Variants in TMEM50B observed in about 807,000 individuals in gnomAD.
TMEM50B encodes the protein HCV p7-trans-regulated protein 3.
TMEM50B carries 14 observed loss-of-function variants against 23.4 expected under a neutral mutation model. That is an observed-to-expected ratio of 0.60 (90% CI 0.39 to 0.93). The LOEUF (loss-of-function observed/expected upper bound fraction) is 0.93, where lower values mean the gene tolerates loss of function less well. TMEM50B is among the 40% of genes least tolerant of loss of function. The probability of loss-of-function intolerance (pLI) is 0.00; values close to 1 mark genes in which losing one functional copy is unlikely to be tolerated. For missense variants in TMEM50B, 159 were observed against 193.0 expected (o/e 0.82, Z 1.04); for synonymous variants, 64 against 62.3 (o/e 1.03, Z -0.13).
chr21:33,448,529 G>T (rs1398751605), downstream of TMEM50B, among the ~76,000 whole-genome samples: 1 of 151,690 alleles, frequency 6.6e-6, no homozygotes, highest in African/African-American at 2.4e-5. Context: ...TGCCCAGACT[G>T]GAGTGCAGTG....
chr21:33,462,471 T>TA (rs1341190164), intron 4 of TMEM50B, among the ~76,000 whole-genome samples: 1 of 152,146 alleles, frequency 6.6e-6, no homozygotes, highest in Non-Finnish European at 1.5e-5. Context: ...ACTTTTAAGC[T>TA]AAAAAACTTT....
chr21:33,459,921 T>C (rs2084202826), intron 5 of TMEM50B, among the ~76,000 whole-genome samples: 1 of 152,162 alleles, frequency 6.6e-6, no homozygotes, highest in South Asian at 2.1e-4. Flanking sequence ...TCTATTTTCA[T>C]TCCTACAATA....
intron 4 of TMEM50B, among the ~76,000 whole-genome samples, chr21:33,463,255 G>C (rs1454672287): frequency 6.6e-6 from 1 of 152,204 alleles, no homozygotes; most frequent in African/African-American, 2.4e-5. Context: ...TCGCACCACT[G>C]TACTCCAGTC....
In TMEM50B at chr21:33,468,893, T is replaced by A; in HGVS notation, c.-8A>T. 6.2e-7 allele frequency: 1 copy of A among 1,608,500 alleles called. No individual in the cohort carries two copies. Among genetic ancestry groups the A allele is most frequent in the East Asian group, 2.2e-5 (1 of 44,850 alleles). On this transcript the variant is annotated 5_prime_UTR_variant, in exon 2 of 7. It introduces an in-frame stop codon into an upstream open reading frame of the 5' UTR. Coordinates refer to ENST00000542230, the MANE Select transcript of TMEM50B (RefSeq NM_006134.7). Reference sequence around the variant, plus strand: ...ATCTAGGAAGCCTGCCATTTTTACTTCTTAAGCATAAATTTTTCATTAAAT... The same window carrying A: ...ATCTAGGAAGCCTGCCATTTTTACTACTTAAGCATAAATTTTTCATTAAAT...
chr21:33,446,233 AT>A (rs371517472), downstream of TMEM50B, among the ~76,000 whole-genome samples: 4 of 142,026 alleles, frequency 2.8e-5, no homozygotes, highest in African/African-American at 1.0e-4. Flanking sequence ...TATTTTTTTT[AT>A]TTTTTATTTT....
intron 4 of TMEM50B, among the ~76,000 whole-genome samples, chr21:33,463,517 T>C (rs963220253): frequency 3.3e-5 from 5 of 152,092 alleles, no homozygotes; most frequent in African/African-American, 1.2e-4. Flanking sequence ...AGGGAACTTT[T>C]TGGGGCAATG....
chr21:33,432,960 A>C, intron 8 of TMEM50B: 2 of 1,092,820 alleles, frequency 1.8e-6, no homozygotes, highest in Admixed American at 4.0e-5. Flanking sequence ...ATCTCTGCTC[A>C]CTGCAGCCTC....
chr21:33,475,434 G>A (rs1243163797), intron 1 of TMEM50B, among the ~76,000 whole-genome samples: 3 of 151,922 alleles, frequency 2.0e-5, no homozygotes, highest in South Asian at 2.1e-4. Flanking sequence ...TGTAACTCCC[G>A]CCTCCTGGAT....
At chr21:33,476,487 C>T (rs754187879) in intron 1 of TMEM50B, among the ~76,000 whole-genome samples, 8 of 152,168 alleles carry the variant, frequency 5.3e-5, no homozygotes, top group Non-Finnish European at 8.8e-5. Context: ...TAACATCAGG[C>T]GTGGTGGCTC....
At chr21:33,453,515 C>G (rs1382057345) in intron 6 of TMEM50B, among the ~76,000 whole-genome samples, 1 of 151,968 alleles carries the variant, frequency 6.6e-6, no homozygotes, top group African/African-American at 2.4e-5. Flanking sequence ...TAATTGAAAT[C>G]CCAGAGGGAG....
intron 1 of TMEM50B, among the ~76,000 whole-genome samples, chr21:33,475,556 C>A (rs1243869410): frequency 1.3e-5 from 2 of 152,110 alleles, no homozygotes; most frequent in Non-Finnish European, 1.5e-5. Flanking sequence ...CCATCTTGGC[C>A]AGGCTGGTCT....
intron 4 of TMEM50B, among the ~76,000 whole-genome samples, chr21:33,464,457 C>G (rs2084245995): frequency 6.7e-6 from 1 of 149,914 alleles, no homozygotes; most frequent in Admixed American, 6.6e-5. Flanking sequence ...GTCTCAGCCT[C>G]CCAAAGTGCT....
At chr21:33,452,555 A>T (rs1319280251) in intron 6 of TMEM50B, among the ~76,000 whole-genome samples, 2 of 152,206 alleles carry the variant, frequency 1.3e-5, no homozygotes, top group Non-Finnish European at 1.5e-5. Flanking sequence ...AGCATCAGAG[A>T]GTGGAAACAC....
intron 4 of TMEM50B, among the ~76,000 whole-genome samples, chr21:33,464,759 C>T (rs558800003): frequency 1.4e-5 from 2 of 142,010 alleles, no homozygotes; most frequent in East Asian, 4.2e-4. Context: ...AGCCAAAAAC[C>T]CACCACTGCA....
At chr21:33,435,069 C>CA (rs1346275315) in intron 8 of TMEM50B, among the ~76,000 whole-genome samples, 1 of 152,212 alleles carries the variant, frequency 6.6e-6, no homozygotes, top group African/African-American at 2.4e-5. Flanking sequence ...TTCAGTCAGT[C>CA]AGCTACAAGC....
At chr21:33,474,715 C>T (rs186617685) in intron 1 of TMEM50B, among the ~76,000 whole-genome samples, 25 of 106,222 alleles carry the variant, frequency 2.4e-4, no homozygotes, top group African/African-American at 8.8e-4. Context: ...GCAGAGGTTG[C>T]AGTGAGCCAA....
downstream of TMEM50B, among the ~76,000 whole-genome samples, chr21:33,446,505 G>A (rs1373753889): frequency 4.0e-5 from 6 of 151,150 alleles, no homozygotes; most frequent in South Asian, 2.1e-4. Context: ...CCAAAGTACT[G>A]GGAGTACAGG....
At chr21:33,457,567 C>T (rs2123428582) in intron 5 of TMEM50B, among the ~76,000 whole-genome samples, 1 of 151,292 alleles carries the variant, frequency 6.6e-6, no homozygotes, top group South Asian at 2.1e-4. Context: ...AGGAGAATCG[C>T]TTGAACCCGG....
At chr21:33,437,203 G>T in intron 8 of TMEM50B, 1 of 501,860 alleles carries the variant, frequency 2.0e-6, no homozygotes. Context: ...GAAAATTAAG[G>T]CTTCTCTTAA....
Sources: gnomAD v4.1 joint callset for allele counts (sites outside exome capture counted in the v4.1 genomes callset) on GRCh38, gnomAD v4.1.1 for gene constraint, MANE v1.5 for transcripts, NCBI Gene and HGNC (gene_info 2026-07-23, HGNC 2026-07-21) for gene names.